The following ABTB2 variants were observed in gnomAD, a reference collection of about 807,000 sequenced individuals.
ABTB2 encodes the protein ankyrin repeat and BTB/POZ domain-containing protein 2.
Under a neutral mutation model 104.1 loss-of-function variants are expected in ABTB2, and 56 were observed. The observed-to-expected ratio is 0.54, with a 90% CI of 0.43 to 0.67. The LOEUF (loss-of-function observed/expected upper bound fraction) is 0.67. Ranked by LOEUF, ABTB2 falls within the 30% of genes least tolerant of loss-of-function variation. ABTB2 has a pLI of 0.00. For missense variants in ABTB2, 1,279 were observed against 1,407.7 expected (o/e 0.91, Z 1.46); for synonymous variants, 606 against 608.2 (o/e 1.00, Z 0.05).
intron 1 of ABTB2, among the ~76,000 whole-genome samples, chr11:34,256,765 T>G (rs1388440636): frequency 6.6e-6 from 1 of 152,194 alleles, no homozygotes; most frequent in Non-Finnish European, 1.5e-5. Context: ...CAGTCTCTTA[T>G]CTCAACACTC....
intron 3 of ABTB2, among the ~76,000 whole-genome samples, chr11:34,177,915 G>A (rs1187020685): frequency 6.6e-6 from 1 of 152,106 alleles, no homozygotes; most frequent in Non-Finnish European, 1.5e-5. Context: ...AGCTCCAGAG[G>A]TGTTGTTCAA....
chr11:34,315,818 G>T (rs1400484976), intron 1 of ABTB2, among the ~76,000 whole-genome samples: 1 of 152,156 alleles, frequency 6.6e-6, no homozygotes, highest in Non-Finnish European at 1.5e-5. Context: ...TTCATGGCAG[G>T]CTCTCAGTGC....
chr11:34,317,491 G>A (rs1385579790), intron 1 of ABTB2, among the ~76,000 whole-genome samples: 2 of 152,088 alleles, frequency 1.3e-5, no homozygotes, highest in East Asian at 3.8e-4. Context: ...ATTAAGAATG[G>A]GCCAGGCATG....
chr11:34,225,610 C>G (rs923326169), intron 1 of ABTB2, among the ~76,000 whole-genome samples: 13 of 151,420 alleles, frequency 8.6e-5, no homozygotes, highest in Admixed American at 7.2e-4. Context: ...ACAAAATTAG[C>G]CCGGTGTGGT....
intron 1 of ABTB2, among the ~76,000 whole-genome samples, chr11:34,297,796 G>GAAAAAAAAAAAAAAAAAAAAAAAAT (rs1554923796): frequency 8.1e-6 from 1 of 123,072 alleles, no homozygotes; most frequent in African/African-American, 3.2e-5. Context: ...AAAAATAAAG[G>GAAAAAAAAAAAAAAAAAAAAAAAAT]AAAGAAAAAG....
At chr11:34,184,069 T>TC (rs1338484401) in intron 3 of ABTB2, among the ~76,000 whole-genome samples, 1 of 151,068 alleles carries the variant, frequency 6.6e-6, no homozygotes, top group Non-Finnish European at 1.5e-5. Flanking sequence ...AAAAAGTGTT[T>TC]TTTTTTTTTT....
intron 16 of ABTB2, among the ~76,000 whole-genome samples, chr11:34,153,960 C>T (rs1565125277): frequency 6.6e-6 from 1 of 152,160 alleles, no homozygotes; most frequent in Admixed American, 6.5e-5. Flanking sequence ...ATACCTATGG[C>T]TTTGATTTGA....
intron 1 of ABTB2, among the ~76,000 whole-genome samples, chr11:34,214,139 AACACAC>A (rs10529537): frequency 2.5e-3 from 350 of 139,226 alleles, no homozygotes; most frequent in South Asian, 6.7e-3. Context: ...GCACATTCAA[AACACAC>A]ACACACACAC....
chr11:34,335,208 C>T lies in ABTB2; in HGVS notation c.883+21493G>A, dbSNP rs1011338166. ...TACACGGGTACCCCAGAGACTATGA[C>T]GAATCACTTTAAGCATCGAAGGTCA... On this transcript the variant is annotated intron_variant, in intron 1 of 16. Coordinates refer to ENST00000435224, the MANE Select transcript of ABTB2 (RefSeq NM_145804.3). 2.3e-5 allele frequency: 29 copies of T among 1,270,584 alleles called. 2 individuals carry two copies. Among genetic ancestry groups the T allele is most frequent in the Middle Eastern group, 1.9e-4 (1 of 5,382 alleles). 78.7% of individuals were successfully genotyped at this position (1,270,584 alleles called of 1,614,324 possible).
chr11:34,164,936 G>T, intron 8 of ABTB2, 115 bp from the exon 9 acceptor site: 1 of 1,289,040 alleles, frequency 7.8e-7, no homozygotes, highest in Non-Finnish European at 1.1e-6. Flanking sequence ...GAATAAGTCA[G>T]TAAACCCCAC....
chr11:34,187,669 A>T (rs1344177646), intron 3 of ABTB2, among the ~76,000 whole-genome samples: 1 of 151,646 alleles, frequency 6.6e-6, no homozygotes, highest in African/African-American at 2.4e-5. Flanking sequence ...GCTAATTTTT[A>T]TTTTTATAGA....
At chr11:34,298,112 C>G (rs926690981) in intron 1 of ABTB2, among the ~76,000 whole-genome samples, 7 of 151,372 alleles carry the variant, frequency 4.6e-5, no homozygotes, top group Middle Eastern at 3.4e-3. Context: ...AATAAATTAC[C>G]CAGTCTCAGG....
At chr11:34,226,886 CA>C (rs1853694454) in intron 1 of ABTB2, among the ~76,000 whole-genome samples, 1 of 152,020 alleles carries the variant, frequency 6.6e-6, no homozygotes, top group East Asian at 1.9e-4. Flanking sequence ...GCCAACATGG[CA>C]AAACCCCATC....
chr11:34,166,469 C>T (rs1040112289), intron 7 of ABTB2, among the ~76,000 whole-genome samples: 13 of 152,212 alleles, frequency 8.5e-5, no homozygotes, highest in African/African-American at 2.2e-4. Flanking sequence ...AAGGCAAAGG[C>T]GGCAGGATGT....
At chr11:34,265,048 C>T (rs1854231351) in intron 1 of ABTB2, among the ~76,000 whole-genome samples, 1 of 152,214 alleles carries the variant, frequency 6.6e-6, no homozygotes, top group Non-Finnish European at 1.5e-5. Flanking sequence ...CCTCTCACTT[C>T]CTCGTGACTC....
intron 1 of ABTB2, among the ~76,000 whole-genome samples, chr11:34,218,537 C>T (rs2957490): frequency 1 from 152,323 of 152,326 alleles, 76,160 homozygotes; most frequent in Non-Finnish European, 1. Context: ...GTCTGGTTTT[C>T]CTAGCACCAT....
chr11:34,329,753 C>T (rs1855108389), intron 1 of ABTB2, among the ~76,000 whole-genome samples: 1 of 152,168 alleles, frequency 6.6e-6, no homozygotes, highest in South Asian at 2.1e-4. Flanking sequence ...GAAACAGGGT[C>T]CCAAAGGTAC....
Position 34,172,371 on chromosome 11 carries a change from CAAA to C in ABTB2, c.1397+781_1397+783del, listed in dbSNP as rs1230787869. ...TGGGCAACAGAGTGAAACTCTGTCT[CAAA>C]AAAAAAAAAAAAAAAAAAAAAATAT... On this transcript the variant is annotated intron_variant, in intron 4 of 16. Transcript: ENST00000435224. 3.7e-3 allele frequency among the ~76,000 whole-genome samples: 230 copies of C among 61,660 alleles called. 6 individuals are homozygous for C. The highest frequency in any genetic ancestry group is 0.016 in the African/African-American group (199 of 12,230). 40.5% of individuals were successfully genotyped at this position (61,660 alleles called of 152,430 possible).
intron 1 of ABTB2, among the ~76,000 whole-genome samples, chr11:34,310,893 G>A (rs1590251455): frequency 6.6e-6 from 1 of 152,226 alleles, no homozygotes; most frequent in Admixed American, 6.5e-5. Flanking sequence ...GAGAGCAAAT[G>A]TGTGCATTTG....
Sources: gnomAD v4.1 joint callset for allele counts (sites outside exome capture counted in the v4.1 genomes callset) on GRCh38, gnomAD v4.1.1 for gene constraint, MANE v1.5 for transcripts, NCBI Gene and HGNC (gene_info 2026-07-23, HGNC 2026-07-21) for gene names.